Variants in ZNF385B observed in about 807,000 individuals in gnomAD.
The protein encoded by ZNF385B is zinc finger protein 533.
In ZNF385B, 23 loss-of-function variants were observed where a neutral mutation model predicts 39.2. The ratio of observed to expected loss-of-function variants is 0.59; its 90% CI spans 0.42 to 0.83. The LOEUF (loss-of-function observed/expected upper bound fraction) is 0.83. Among genes scored for constraint, ZNF385B ranks in the 40% least tolerant of loss-of-function variants. ZNF385B has a pLI of 0.00. For missense variants in ZNF385B, 552 were observed against 598.9 expected, an observed-to-expected ratio of 0.92 and a Z score of 0.82; for synonymous variants, 205 against 222.6, an observed-to-expected ratio of 0.92 and a Z score of 0.70.
chr2:179,762,101 G>T (rs1703432926), intron 3 of ZNF385B, among the ~76,000 whole-genome samples: 1 of 152,086 alleles, frequency 6.6e-6, no homozygotes, highest in African/African-American at 2.4e-5. Flanking sequence ...GAAAATGTGT[G>T]TTGGGTTTTC....
intron 3 of ZNF385B, among the ~76,000 whole-genome samples, chr2:179,768,651 C>G (rs889840138): frequency 6.6e-6 from 1 of 152,190 alleles, no homozygotes; most frequent in Non-Finnish European, 1.5e-5. Flanking sequence ...GGAGGCTTAT[C>G]TTGGCCTCCC....
At chr2:179,859,242 G>T (rs1235208081) in intron 1 of ZNF385B, among the ~76,000 whole-genome samples, 1 of 152,102 alleles carries the variant, frequency 6.6e-6, no homozygotes, top group Non-Finnish European at 1.5e-5. Flanking sequence ...TGACTATAGA[G>T]GAGACACCTC....
chr2:179,788,490 C>A (rs368123782), intron 1 of ZNF385B, among the ~76,000 whole-genome samples: 4 of 152,052 alleles, frequency 2.6e-5, no homozygotes, highest in African/African-American at 9.7e-5. Context: ...GTTCAGAACA[C>A]CAGGTCAAGA....
intron 5 of ZNF385B, among the ~76,000 whole-genome samples, chr2:179,494,642 G>A (rs7557169): frequency 0.3 from 45,786 of 151,346 alleles, 7,386 homozygotes; most frequent in Non-Finnish European, 0.36. Context: ...AAACAATTAC[G>A]TAGTTAAAAG....
intron 1 of ZNF385B, chr2:179,860,694 A>T (rs1345208967): frequency 1.7e-5 from 6 of 352,278 alleles, no homozygotes; most frequent in African/African-American, 6.7e-5. Context: ...TTTCCCGGTC[A>T]TTGAGAGAAA....
At chr2:179,805,211 C>G (rs1242437228) in intron 1 of ZNF385B, among the ~76,000 whole-genome samples, 1 of 152,306 alleles carries the variant, frequency 6.6e-6, no homozygotes, top group African/African-American at 2.4e-5. Flanking sequence ...CCAAGGCGTA[C>G]TGGTTAAACA....
At chr2:179,662,558 G>A (rs1209191061) in intron 3 of ZNF385B, among the ~76,000 whole-genome samples, 2 of 152,020 alleles carry the variant, frequency 1.3e-5, no homozygotes, top group Admixed American at 1.3e-4. Context: ...TGAGCATCCG[G>A]CTCTTTCTCT....
chr2:179,679,466 GT>G (rs1462111184), intron 3 of ZNF385B, among the ~76,000 whole-genome samples: 1 of 152,166 alleles, frequency 6.6e-6, no homozygotes, highest in African/African-American at 2.4e-5. Flanking sequence ...GTCAGCACCA[GT>G]GAAAAACTGT....
intron 3 of ZNF385B, among the ~76,000 whole-genome samples, chr2:179,601,676 C>A (rs935325498): frequency 1.3e-5 from 2 of 152,082 alleles, no homozygotes; most frequent in African/African-American, 4.8e-5. Flanking sequence ...TATATATTTA[C>A]ATTTATATAT....
intron 4 of ZNF385B, among the ~76,000 whole-genome samples, chr2:179,519,541 A>G (rs1040130895): frequency 1.3e-5 from 2 of 152,212 alleles, no homozygotes; most frequent in Non-Finnish European, 2.9e-5. Flanking sequence ...AAGTACTCCA[A>G]CAGAAAAAGT....
In ZNF385B at chr2:179,651,237, A is replaced by T. The variant is rs10201236; in HGVS notation, c.299-106268T>A. ...CTGACACAGGATACACTTATTTTTC[A>T]ATACTGTATATGCTATATTTTGAAA... is the stretch of plus-strand genomic sequence containing the variant. On this transcript the variant is annotated intron_variant, in intron 3 of 9. Coordinates refer to ENST00000410066, the MANE Select transcript of ZNF385B (RefSeq NM_152520.6). 2.8e-3 allele frequency among the ~76,000 whole-genome samples: 423 copies of T among 152,226 alleles called. 3 individuals carry two copies. Among genetic ancestry groups the T allele is most frequent in the African/African-American group, 9.9e-3 (410 of 41,558 alleles).
intron 4 of ZNF385B, 140 bp from the exon 5 acceptor site, chr2:179,518,778 A>T (rs1025680843): frequency 8.5e-6 from 4 of 471,764 alleles, no homozygotes; most frequent in African/African-American, 2.0e-5. Context: ...CTCCTTCAAC[A>T]GTAATATATT....
At chr2:179,487,990 C>T (rs1205774900) in intron 5 of ZNF385B, among the ~76,000 whole-genome samples, 2 of 152,190 alleles carry the variant, frequency 1.3e-5, no homozygotes, top group Non-Finnish European at 2.9e-5. Flanking sequence ...AAGCTCTTCA[C>T]TTTCTCAAAT....
chr2:179,618,540 G>A (rs1251192451), intron 3 of ZNF385B, among the ~76,000 whole-genome samples: 1 of 151,950 alleles, frequency 6.6e-6, no homozygotes, highest in Non-Finnish European at 1.5e-5. Context: ...CCTATTTTCT[G>A]GTATCTTCTG....
At chr2:179,833,916 T>C (rs1708112364) in intron 1 of ZNF385B, among the ~76,000 whole-genome samples, 1 of 152,148 alleles carries the variant, frequency 6.6e-6, no homozygotes, top group Admixed American at 6.5e-5. Context: ...TGCAGAGATC[T>C]TGAACTCAGT....
At chr2:179,854,866 A>G (rs1684458664) in intron 1 of ZNF385B, among the ~76,000 whole-genome samples, 1 of 152,222 alleles carries the variant, frequency 6.6e-6, no homozygotes. Flanking sequence ...GAAAATAAAC[A>G]TTAGGCTGTT....
intron 3 of ZNF385B, among the ~76,000 whole-genome samples, chr2:179,564,478 C>A (rs1385463992): frequency 6.6e-6 from 1 of 152,184 alleles, no homozygotes; most frequent in East Asian, 1.9e-4. Flanking sequence ...CTATCAATCA[C>A]CGTCTTTCTT....
intron 3 of ZNF385B, among the ~76,000 whole-genome samples, chr2:179,616,911 C>T (rs1689796477): frequency 6.6e-6 from 1 of 152,076 alleles, no homozygotes; most frequent in Non-Finnish European, 1.5e-5. Flanking sequence ...TCATCTGCCT[C>T]TTATTTCTTG....
intron 1 of ZNF385B, among the ~76,000 whole-genome samples, chr2:179,826,251 G>T (rs1182802492): frequency 1.3e-5 from 2 of 152,190 alleles, no homozygotes; most frequent in Admixed American, 6.5e-5. Context: ...GTATCGGGAA[G>T]GGGAGGAGTA....
Sources: gnomAD v4.1 joint callset for allele counts (sites outside exome capture counted in the v4.1 genomes callset) on GRCh38, gnomAD v4.1.1 for gene constraint, MANE v1.5 for transcripts, NCBI Gene and HGNC (gene_info 2026-07-23, HGNC 2026-07-21) for gene names.